EYS: variants seen among roughly 807,000 people sequenced by gnomAD.
EYS encodes EGF-like photoreceptor maintenance factor.
EYS carries 250 observed loss-of-function variants against 282.1 expected under a neutral mutation model. The ratio of observed to expected loss-of-function variants is 0.89; its 90% confidence interval spans 0.80 to 0.98. EYS has a LOEUF of 0.98. EYS is among the 50% of genes least tolerant of loss of function. The pLI, the probability that EYS is intolerant of heterozygous loss-of-function variation, is 0.00. For synonymous variants in EYS, 1,355 were observed against 1,282.9 expected, an observed-to-expected ratio of 1.06 and a Z score of -1.20; for missense variants, 4,016 against 3,709.0, an observed-to-expected ratio of 1.08 and a Z score of -2.15.
At chr6:63,829,359 C>T (rs1771561263) in intron 36 of EYS, among the ~76,000 whole-genome samples, 1 of 152,198 alleles carries the variant, frequency 6.6e-6, no homozygotes, top group Admixed American at 6.5e-5. Context: ...GGGACACTCC[C>T]ACCCTAATAC....
At position 65,182,376 on chromosome 6, in the gene EYS, T is replaced by C. The variant is rs1765410067; in HGVS notation, c.2023+113487A>G. The stretch of plus-strand genomic sequence containing the variant: ...TATTTTTCCAGGCCAATTTTAAAGC[T>C]TTTAAAAGTTTTGTTTTTTTAATTC... On this transcript the variant is annotated intron_variant, in intron 12 of 42. Transcript: ENST00000503581. Among the ~76,000 whole-genome samples the C allele has an allele frequency of 2.6e-5, 4 of 151,596 alleles. No homozygotes were observed. The South Asian group carries it at 8.3e-4, about 31-fold the overall frequency.
chr6:65,412,910 A>C (rs1767079653), intron 5 of EYS, among the ~76,000 whole-genome samples: 1 of 152,086 alleles, frequency 6.6e-6, no homozygotes, highest in Non-Finnish European at 1.5e-5. Flanking sequence ...ATCCATCCTC[A>C]TAAGCTTGAC....
intron 33 of EYS, among the ~76,000 whole-genome samples, chr6:64,004,736 C>T (rs1370883676): frequency 6.6e-6 from 1 of 152,168 alleles, no homozygotes; most frequent in Non-Finnish European, 1.5e-5. Context: ...TCTGATCCTG[C>T]ATTAGTTCAC....
rs537660869 is a variant in EYS, at chr6:65,298,956, C to T, written c.1767-2837G>A. 5.9e-5 allele frequency among the ~76,000 whole-genome samples: 9 copies of T among 152,096 alleles called. No homozygotes were observed. The East Asian group carries it at 1.4e-3, about 23-fold the overall frequency. ...TTAATTTGTTGTGTTAATATTTATA[C>T]AGAAATGGAAGTCCTTGTACAAATA... On this transcript the variant is annotated intron_variant, in intron 11 of 42. Coordinates refer to ENST00000503581, the MANE Select transcript of EYS (RefSeq NM_001142800.2).
At position 63,987,795 on chromosome 6, in the gene EYS, G is replaced by T. The variant is rs188497986; in HGVS notation, c.6835-3192C>A. 1.7e-3 allele frequency among the ~76,000 whole-genome samples: 256 copies of T among 151,700 alleles called. 1 individual carries two copies. Among genetic ancestry groups the T allele is most frequent in the Non-Finnish European group, 3.0e-3 (206 of 67,688 alleles). On this transcript the variant is annotated intron_variant, in intron 34 of 42. Transcript: ENST00000503581. ...CAAATAATTAAGTTAGGGGTCTGGTGGGAGGACAGTGTGAGAGATGCCCAG... is the reference window on the plus strand; with the variant it reads ...CAAATAATTAAGTTAGGGGTCTGGTTGGAGGACAGTGTGAGAGATGCCCAG...
intron 41 of EYS, among the ~76,000 whole-genome samples, chr6:63,759,236 T>C (rs927889993): frequency 6.6e-6 from 1 of 152,082 alleles, no homozygotes; most frequent in African/African-American, 2.4e-5. Flanking sequence ...CTCCCCAGAC[T>C]TTAGCCAAAA....
At chr6:64,359,324 G>A (rs1054336571) in intron 29 of EYS, among the ~76,000 whole-genome samples, 1 of 151,664 alleles carries the variant, frequency 6.6e-6, no homozygotes, top group South Asian at 2.1e-4. Flanking sequence ...ATTAATCAAT[G>A]TTTGGGAACC....
intron 26 of EYS, among the ~76,000 whole-genome samples, chr6:64,568,390 T>C (rs1661196519): frequency 6.6e-6 from 1 of 152,140 alleles, no homozygotes; most frequent in African/African-American, 2.4e-5. Flanking sequence ...GTGAGCATAG[T>C]GCCAAGACCT....
intron 28 of EYS, among the ~76,000 whole-genome samples, chr6:64,402,729 T>C (rs1228412995): frequency 2.0e-5 from 3 of 152,218 alleles, no homozygotes; most frequent in Non-Finnish European, 4.4e-5. Context: ...TGCAATTCAA[T>C]TGTTCTCTGG....
intron 2 of EYS, among the ~76,000 whole-genome samples, chr6:65,602,593 T>C (rs1020885698): frequency 2.6e-5 from 4 of 151,910 alleles, no homozygotes; most frequent in African/African-American, 7.2e-5. Flanking sequence ...AACAAAAACA[T>C]TCTAAATGCT....
At chr6:65,443,975 A>C (rs530882468) in intron 5 of EYS, among the ~76,000 whole-genome samples, 3 of 151,946 alleles carry the variant, frequency 2.0e-5, no homozygotes, top group South Asian at 4.1e-4. Flanking sequence ...GGAACAAGTA[A>C]TAATAATAGT....
intron 26 of EYS, among the ~76,000 whole-genome samples, chr6:64,471,179 T>A (rs933949257): frequency 6.6e-6 from 1 of 152,102 alleles, no homozygotes; most frequent in African/African-American, 2.4e-5. Context: ...GAATATTATA[T>A]CCACAAGAAA....
intron 26 of EYS, among the ~76,000 whole-genome samples, chr6:64,538,268 G>A (rs1234934813): frequency 1.3e-5 from 2 of 152,100 alleles, no homozygotes; most frequent in Non-Finnish European, 2.9e-5. Flanking sequence ...AAATGATTTA[G>A]ACAAATTAGT....
chr6:65,196,892 G>A (rs1030801800), intron 12 of EYS, among the ~76,000 whole-genome samples: 1 of 152,068 alleles, frequency 6.6e-6, no homozygotes, highest in Non-Finnish European at 1.5e-5. Context: ...GGATAGCAGA[G>A]GCCAGCAGCC....
Position 64,794,071 on chromosome 6 carries a change from T to C in EYS, c.3443+19307A>G, listed in dbSNP as rs28372018. 1.7e-3 allele frequency among the ~76,000 whole-genome samples: 256 copies of C among 152,300 alleles called. 1 individual carries two copies. The highest frequency in any genetic ancestry group is 2.7e-3 in the Non-Finnish European group (186 of 68,038). ...TACAAGTTTGACTGTTTTGGATACC[T>C]AATATAAGTGAAATCATAAAATATT... On this transcript the variant is annotated intron_variant, in intron 22 of 42. Coordinates refer to ENST00000503581, the MANE Select transcript of EYS (RefSeq NM_001142800.2).
chr6:65,276,942 A>G (rs943375342), intron 12 of EYS, among the ~76,000 whole-genome samples: 3 of 152,220 alleles, frequency 2.0e-5, no homozygotes, highest in African/African-American at 7.2e-5. Flanking sequence ...CTGGTCATGT[A>G]ACATAAGACA....
chr6:63,996,857 A>C (rs931878379), intron 34 of EYS, among the ~76,000 whole-genome samples: 7 of 152,138 alleles, frequency 4.6e-5, no homozygotes, highest in African/African-American at 1.4e-4. Context: ...ATTAAGAATA[A>C]ATTTTTACTT....
intron 26 of EYS, among the ~76,000 whole-genome samples, chr6:64,586,434 C>T (rs1393621664): frequency 6.6e-6 from 1 of 152,010 alleles, no homozygotes; most frequent in Non-Finnish European, 1.5e-5. Flanking sequence ...ATACATAAGG[C>T]ATTTTGAACT....
chr6:64,740,396 A>G (rs1772330293), intron 22 of EYS, among the ~76,000 whole-genome samples: 1 of 152,214 alleles, frequency 6.6e-6, no homozygotes, highest in East Asian at 1.9e-4. Context: ...AACACTCATT[A>G]AAAGCTTATA....
Sources: gnomAD v4.1 joint callset for allele counts (sites outside exome capture counted in the v4.1 genomes callset) on GRCh38, gnomAD v4.1.1 for gene constraint, MANE v1.5 for transcripts, NCBI Gene and HGNC (gene_info 2026-07-23, HGNC 2026-07-21) for gene names.